The following CALR variants were observed in gnomAD, a reference collection of about 807,000 sequenced individuals.
The protein encoded by CALR is calreticulin, also known as CRP55.
CALR carries 15 observed loss-of-function variants against 51.1 expected under a neutral mutation model. The ratio of observed to expected loss-of-function variants is 0.29; its 90% CI spans 0.20 to 0.45. The LOEUF (loss-of-function observed/expected upper bound fraction) is 0.45, where lower values mean the gene tolerates loss of function less well. Among genes scored for constraint, CALR ranks in the 20% least tolerant of loss-of-function variants. The pLI, the probability that CALR is intolerant of heterozygous loss-of-function variation, is 1.00. For synonymous variants in CALR, 239 were observed against 205.9 expected, an observed-to-expected ratio of 1.16 and a Z score of -1.38; for missense variants, 477 against 530.6, an observed-to-expected ratio of 0.90 and a Z score of 0.99.
rs201689726 is a variant in CALR, at chr19:12,943,946, G to A, written c.*33G>A. 7.0e-4 allele frequency: 1,115 copies of A among 1,603,338 alleles called. 2 individuals carry two copies. Among genetic ancestry groups the A allele is most frequent in the Non-Finnish European group, 8.4e-4 (988 of 1,176,384 alleles). ...TGCCTCCAGGGCTGGACTGAGGCCT[G>A]AGCGCTCCTGCCGCAGAGCTGGCCG... On this transcript the variant is annotated 3_prime_UTR_variant, in exon 9 of 9. Coordinates refer to ENST00000316448, the MANE Select transcript of CALR (RefSeq NM_004343.4).
chr19:12,942,617 CAG>C (rs1284150565), intron 7 of CALR, among the ~76,000 whole-genome samples: 3 of 140,518 alleles, frequency 2.1e-5, no homozygotes, highest in Non-Finnish European at 1.5e-5. Flanking sequence ...TTTTTTAAGA[CAG>C]AGTCTTGCTC....
chr19:12,940,986 C>T (rs1971539174), intron 7 of CALR, 99 bp downstream of exon 7: 2 of 1,163,088 alleles, frequency 1.7e-6, no homozygotes, highest in South Asian at 1.2e-5. Context: ...GTGAGTCTGA[C>T]TCAAAAATGG....
At chr19:12,940,962 G>A (rs1322883447) in intron 7 of CALR, 75 bp downstream of exon 7, 2 of 1,444,780 alleles carry the variant, frequency 1.4e-6, no homozygotes, top group African/African-American at 1.4e-5. Flanking sequence ...AAAGGGACAG[G>A]GTAGGCACCC....
intron 3 of CALR, among the ~76,000 whole-genome samples, 178 bp downstream of exon 3, chr19:12,939,809 A>G (rs1219395842): frequency 6.6e-6 from 1 of 152,098 alleles, no homozygotes; most frequent in Non-Finnish European, 1.5e-5. Flanking sequence ...GCGTGTTTGT[A>G]TATAGTTATT....
Position 12,940,111 on chromosome 19 carries a change from C to A in CALR, c.456C>A (p.Gly152=), listed in dbSNP as rs751289745. The change falls in exon 4 of 9, where the codon GGC becomes GGA. Residue 152 remains glycine (G), a synonymous_variant. Transcript: ENST00000316448. ...KKVHVIFNYK[G]KNVLINKDIR... ...TTCATGTCATCTTCAACTACAAGGG[C>A]AAGAACGTGCTGATCAACAAGGACA... 8 of 1,614,030 alleles carry A rather than the reference C, an allele frequency of 5.0e-6. No individual in the cohort carries two copies. The highest frequency in any genetic ancestry group is 6.8e-6 in the Non-Finnish European group (8 of 1,179,988).
At chr19:12,943,260 A>G (rs1432394418) in intron 7 of CALR, 2 of 414,742 alleles carry the variant, frequency 4.8e-6, no homozygotes, top group Non-Finnish European at 9.1e-6. Flanking sequence ...GATTTTTTGT[A>G]TTTTTAGTAG....
chr19:12,939,609 C>T lies in CALR; in HGVS notation c.375C>T (p.Asp125=), dbSNP rs753812197. ...NSLDQTDMHG[D]SEYNIMFGPD... ...TGGACCAGACAGACATGCACGGAGA[C>T]TCAGAATACAACATCATGTTTGGTG... The change falls in exon 3 of 9, where the codon GAC becomes GAT. Residue 125 remains aspartate, a synonymous_variant. Transcript: ENST00000316448. 1 of 1,613,908 alleles carries T rather than the reference C, an allele frequency of 6.2e-7. No individual in the cohort carries two copies. The highest frequency in any genetic ancestry group is 1.7e-5 in the Admixed American group (1 of 59,992).
intron 1 of CALR, 34 bp downstream of exon 1, chr19:12,938,804 C>T (rs1437169564): frequency 1.3e-6 from 2 of 1,495,140 alleles, no homozygotes; most frequent in African/African-American, 1.4e-5. Flanking sequence ...GCCGCCCCGA[C>T]GACGCGGCCG....
chr19:12,940,172 G>C, intron 4 of CALR, 25 bp downstream of exon 4: 1 of 1,611,702 alleles, frequency 6.2e-7, no homozygotes, highest in Non-Finnish European at 8.5e-7. Context: ...GGTGGCAAAT[G>C]GCTGTCATGG....
At chr19:12,942,360 CAAAA>C (rs539049105) in intron 7 of CALR, among the ~76,000 whole-genome samples, 2 of 124,850 alleles carry the variant, frequency 1.6e-5, no homozygotes, top group African/African-American at 3.0e-5. Context: ...GACTCTGTCC[CAAAA>C]AAAAAAAAAA....
chr19:12,939,808 T>G (rs557446158), intron 3 of CALR, among the ~76,000 whole-genome samples, 177 bp downstream of exon 3: 1 of 152,334 alleles, frequency 6.6e-6, no homozygotes, highest in African/African-American at 2.4e-5. Flanking sequence ...TGCGTGTTTG[T>G]ATATAGTTAT....
At position 12,944,069 on chromosome 19, in the gene CALR, T is replaced by G; in HGVS notation, c.*156T>G. 6 of 1,067,186 alleles carry G rather than the reference T, an allele frequency of 5.6e-6. No individual in the cohort carries two copies. Among genetic ancestry groups the G allele is most frequent in the Non-Finnish European group, 6.6e-6 (5 of 761,740 alleles). 66.1% of individuals were successfully genotyped at this position (1,067,186 alleles called of 1,614,324 possible). ...TTGGTTTTGTTCCCCTCCTCCACTC[T>G]CCCCCACCCCCTCCCCGCCCTTTTT... is the stretch of plus-strand genomic sequence containing the variant. On this transcript the variant is annotated 3_prime_UTR_variant, in exon 9 of 9. Coordinates refer to ENST00000316448, the MANE Select transcript of CALR (RefSeq NM_004343.4).
intron 7 of CALR, among the ~76,000 whole-genome samples, chr19:12,942,793 G>T (rs1005920294): frequency 2.7e-5 from 4 of 149,468 alleles, no homozygotes; most frequent in African/African-American, 4.9e-5. Context: ...CACTCTTGTT[G>T]CCCAGGCTGG....
chr19:12,938,650 G>C lies in CALR; in HGVS notation c.-30G>C, dbSNP rs1018609569. 6.4e-7 allele frequency: 1 copy of C among 1,569,652 alleles called. No individual in the cohort carries two copies. The highest frequency in any genetic ancestry group is 8.7e-7 in the Non-Finnish European group (1 of 1,150,380). On this transcript the variant is annotated 5_prime_UTR_variant, in exon 1 of 9. Transcript: ENST00000316448. ...CGCTGCCGGAGGGTCGTTTTAAAGG[G>C]CCCGCGCGTTGCCGCCCCCTCGGCC...
At chr19:12,941,617 C>T (rs1971548375) in intron 7 of CALR, among the ~76,000 whole-genome samples, 1 of 151,884 alleles carries the variant, frequency 6.6e-6, no homozygotes, top group Non-Finnish European at 1.5e-5. Context: ...ACTGGGACTA[C>T]AGGCACCCCC....
intron 7 of CALR, among the ~76,000 whole-genome samples, chr19:12,941,863 C>CA (rs1264833751): frequency 6.6e-6 from 1 of 151,990 alleles, no homozygotes; most frequent in African/African-American, 2.4e-5. Context: ...CTCGGCCTCC[C>CA]AAAGTGCTGG....
intron 4 of CALR, 40 bp from the exon 5 acceptor site, chr19:12,940,203 C>G: frequency 6.2e-7 from 1 of 1,611,174 alleles, no homozygotes; most frequent in Non-Finnish European, 8.5e-7. Flanking sequence ...AGGTCAGCCT[C>G]ATTGGGGGGT....
chr19:12,940,273 A>G lies in CALR; in HGVS notation c.523A>G (p.Ile175Val). 2 of 1,614,178 alleles carry G rather than the reference A, an allele frequency of 1.2e-6. No homozygotes were observed. Among genetic ancestry groups the G allele is most frequent in the Non-Finnish European group, 1.7e-6 (2 of 1,180,028 alleles). The change falls in exon 5 of 9, where the codon ATT becomes GTT. Residue 175 changes from isoleucine to valine, a missense_variant. Ile to Val is a conservative substitution (Grantham distance 29, BLOSUM62 3). Transcript: ENST00000316448. ...DDEFTHLYTL[I>V]VRPDNTYEVK... Reference sequence around the variant, plus strand: ...TGAGTTTACACACCTGTACACACTGATTGTGCGGCCAGACAACACCTATGA... The same window carrying G: ...TGAGTTTACACACCTGTACACACTGGTTGTGCGGCCAGACAACACCTATGA...
At position 12,944,056 on chromosome 19, in the gene CALR, C is replaced by A. The variant is rs993890476; in HGVS notation, c.*143C>A. The A allele has an allele frequency of 9.7e-5, 135 of 1,394,034 alleles. No individual in the cohort carries two copies. In the South Asian group the frequency reaches 1.5e-3, roughly 16 times the overall value. 86.4% of individuals were successfully genotyped at this position (1,394,034 alleles called of 1,614,324 possible). Reference sequence around the variant, plus strand: ...TTTGGGGTGGATTTTGGTTTTGTTCCCCTCCTCCACTCTCCCCCACCCCCT... The same window carrying A: ...TTTGGGGTGGATTTTGGTTTTGTTCACCTCCTCCACTCTCCCCCACCCCCT... On this transcript the variant is annotated 3_prime_UTR_variant, in exon 9 of 9. Coordinates refer to ENST00000316448, the MANE Select transcript of CALR (RefSeq NM_004343.4).
Sources: allele counts gnomAD v4.1 joint callset (sites outside exome capture counted in the v4.1 genomes callset), GRCh38; gene constraint gnomAD v4.1.1; transcripts MANE v1.5; gene names NCBI Gene and HGNC (gene_info 2026-07-23, HGNC 2026-07-21).